The following INTS7 variants were observed in gnomAD, a reference collection of about 807,000 sequenced individuals.
INTS7 encodes chromosome 1 open reading frame 73.
INTS7 carries 46 observed loss-of-function variants against 109.2 expected under a neutral mutation model. That is an observed-to-expected ratio of 0.42 (90% confidence interval 0.33 to 0.54). The LOEUF is 0.54. Ranked by LOEUF, INTS7 falls within the 20% of genes least tolerant of loss-of-function variation. The pLI is 0.07. For synonymous variants in INTS7, 412 were observed against 402.9 expected, an observed-to-expected ratio of 1.02 and a Z score of -0.27; for missense variants, 929 against 1,132.4, an observed-to-expected ratio of 0.82 and a Z score of 2.58.
chr1:211,984,512 T>C (rs1270957645), intron 8 of INTS7, among the ~76,000 whole-genome samples: 1 of 152,178 alleles, frequency 6.6e-6, no homozygotes, highest in Non-Finnish European at 1.5e-5. Context: ...AATCAGGATA[T>C]GTAGATACTG....
chr1:211,995,070 A>G (rs969842154), intron 7 of INTS7, among the ~76,000 whole-genome samples: 29 of 152,152 alleles, frequency 1.9e-4, no homozygotes, highest in African/African-American at 7.0e-4. Context: ...GGCAGCAGAA[A>G]AGAGAATTAG....
intron 7 of INTS7, among the ~76,000 whole-genome samples, chr1:212,003,317 A>C (rs530177976): frequency 2.6e-5 from 4 of 152,046 alleles, no homozygotes; most frequent in East Asian, 1.9e-4. Flanking sequence ...AAAAAAAAAA[A>C]AAAAAAAACC....
At chr1:211,978,616 T>G in intron 10 of INTS7, 105 bp from the exon 11 acceptor site, 1 of 1,217,176 alleles carries the variant, frequency 8.2e-7, no homozygotes, top group Non-Finnish European at 1.2e-6. Flanking sequence ...AGGGTGAGGT[T>G]TCTTGTAGGC....
At chr1:211,973,292 G>A (rs1664261251) in intron 13 of INTS7, among the ~76,000 whole-genome samples, 2 of 152,260 alleles carry the variant, frequency 1.3e-5, no homozygotes, top group East Asian at 3.9e-4. Context: ...ATAATAAATA[G>A]GTATTGTTTT....
At chr1:211,988,293 G>A (rs150446403) in intron 7 of INTS7, among the ~76,000 whole-genome samples, 265 of 151,646 alleles carry the variant, frequency 1.7e-3, no homozygotes, top group African/African-American at 6.0e-3. Context: ...ATGGTGGTAC[G>A]TGCCTGTGGT....
At chr1:211,945,230 C>G (rs1662800209) in intron 18 of INTS7, among the ~76,000 whole-genome samples, 1 of 152,182 alleles carries the variant, frequency 6.6e-6, no homozygotes, top group African/African-American at 2.4e-5. Context: ...GCACTATTCT[C>G]CCAATTTTTG....
At chr1:212,027,667 A>G (rs1666988638) in intron 1 of INTS7, among the ~76,000 whole-genome samples, 1 of 152,232 alleles carries the variant, frequency 6.6e-6, no homozygotes, top group South Asian at 2.1e-4. Flanking sequence ...AAGTGTGCAG[A>G]GCTTTTTGCC....
At chr1:212,008,149 G>GT (rs1248424779) in intron 5 of INTS7, among the ~76,000 whole-genome samples, 3 of 152,148 alleles carry the variant, frequency 2.0e-5, no homozygotes, top group Non-Finnish European at 4.4e-5. Context: ...GGGTATGAAC[G>GT]TAAGACAGCA....
At chr1:212,034,031 C>A (rs1002699547) in intron 1 of INTS7, among the ~76,000 whole-genome samples, 1 of 151,712 alleles carries the variant, frequency 6.6e-6, no homozygotes, top group East Asian at 1.9e-4. Flanking sequence ...TGCAGTGAGC[C>A]GAGATGGCGC....
chr1:212,018,032 G>A (rs552236431), intron 3 of INTS7, among the ~76,000 whole-genome samples: 21 of 152,152 alleles, frequency 1.4e-4, no homozygotes, highest in African/African-American at 5.1e-4. Context: ...CACTGCTTCC[G>A]GCTTAATTTT....
intron 15 of INTS7, among the ~76,000 whole-genome samples, chr1:211,967,541 A>G (rs1663949314): frequency 6.6e-6 from 1 of 151,930 alleles, no homozygotes; most frequent in South Asian, 2.1e-4. Context: ...GGCCACAAAG[A>G]AAGGTGAGGT....
Position 212,035,516 on chromosome 1 carries a change from T to C in INTS7, c.-79A>G, listed in dbSNP as rs570139348. On this transcript the variant is annotated 5_prime_UTR_variant, in exon 1 of 20. Coordinates refer to ENST00000366994, the MANE Select transcript of INTS7 (RefSeq NM_015434.4). ...AGGACCGCCATCTTCCCCCGCCGCC[T>C]TCTTGCTGGTTTTTCTTCCGCGCGC... 2.7e-6 allele frequency: 3 copies of C among 1,109,676 alleles called. No homozygotes were observed. The highest frequency in any genetic ancestry group is 1.7e-5 in the Admixed American group (1 of 57,730). 68.7% of individuals were successfully genotyped at this position (1,109,676 alleles called of 1,614,324 possible).
chr1:211,995,346 G>A (rs976194196), intron 7 of INTS7, among the ~76,000 whole-genome samples: 4 of 152,084 alleles, frequency 2.6e-5, no homozygotes, highest in Non-Finnish European at 5.9e-5. Context: ...TTAAAGACTC[G>A]AATTAAGTCA....
intron 16 of INTS7, among the ~76,000 whole-genome samples, chr1:211,965,110 A>T (rs1198967991): frequency 6.6e-6 from 1 of 152,174 alleles, no homozygotes; most frequent in African/African-American, 2.4e-5. Flanking sequence ...ATTTACAAGA[A>T]AAAAACAAGC....
At chr1:211,985,171 T>C (rs951499055) in intron 8 of INTS7, among the ~76,000 whole-genome samples, 1 of 152,202 alleles carries the variant, frequency 6.6e-6, no homozygotes, top group Non-Finnish European at 1.5e-5. Flanking sequence ...ACCCACACCC[T>C]TGTCAACACA....
chr1:211,973,532 G>C (rs1333582066), intron 13 of INTS7, among the ~76,000 whole-genome samples: 7 of 152,150 alleles, frequency 4.6e-5, no homozygotes, highest in Admixed American at 1.3e-4. Context: ...TACGATCTCA[G>C]GTATGGATCA....
At chr1:212,013,686 A>G (rs1666264466) in intron 4 of INTS7, among the ~76,000 whole-genome samples, 1 of 152,174 alleles carries the variant, frequency 6.6e-6, no homozygotes, top group Non-Finnish European at 1.5e-5. Flanking sequence ...TACCATTTTT[A>G]TCTTTTATGC....
chr1:212,010,298 T>C (rs1417696957), intron 5 of INTS7, among the ~76,000 whole-genome samples: 3 of 152,218 alleles, frequency 2.0e-5, no homozygotes, highest in African/African-American at 7.2e-5. Flanking sequence ...AATAGGGGTA[T>C]GACACGTGTA....
chr1:212,009,562 C>T lies in INTS7; in HGVS notation c.556+1813G>A, dbSNP rs541773028. Among the ~76,000 whole-genome samples the T allele has an allele frequency of 1.1e-4, 17 of 152,256 alleles. No homozygotes were observed. In the South Asian group the frequency reaches 2.1e-3, roughly 19 times the overall value. On this transcript the variant is annotated intron_variant, in intron 5 of 19. Transcript: ENST00000366994. ...TCAAAGTGGTCCTCCTGACATGATACCAATTTTCTAGTAACCTCTCTTTAA... is the reference window on the plus strand; with the variant it reads ...TCAAAGTGGTCCTCCTGACATGATATCAATTTTCTAGTAACCTCTCTTTAA...
Sources: gnomAD v4.1 joint callset for allele counts (sites outside exome capture counted in the v4.1 genomes callset) on GRCh38, gnomAD v4.1.1 for gene constraint, MANE v1.5 for transcripts, NCBI Gene and HGNC (gene_info 2026-07-23, HGNC 2026-07-21) for gene names.